Variants in ARAP2 observed in about 807,000 individuals in gnomAD.
ARAP2 encodes the protein ArfGAP with RhoGAP domain, ankyrin repeat and PH domain 2.
In ARAP2, 148 loss-of-function variants were observed where a neutral mutation model predicts 194.5. The observed-to-expected ratio is 0.76, with a 90% confidence interval of 0.67 to 0.87. The LOEUF is 0.87. Ranked by LOEUF, ARAP2 falls within the 40% of genes least tolerant of loss-of-function variation. The pLI is 0.00. For synonymous variants in ARAP2, 695 were observed against 683.5 expected (o/e 1.02, Z -0.26); for missense variants, 2,128 against 1,989.7 (o/e 1.07, Z -1.32).
At chr4:36,023,469 T>C in intron 5 of ARAP2, among the ~76,000 whole-genome samples, 1 of 152,158 alleles carries the variant, frequency 6.6e-6, no homozygotes, top group East Asian at 1.9e-4. Context: ...CCCTTTCATA[T>C]GTTGGGAACA....
chr4:36,210,360 C>A, intron 6 of ARAP2, 30 bp downstream of exon 6: 1 of 1,532,826 alleles, frequency 6.5e-7, no homozygotes, highest in South Asian at 1.3e-5. Context: ...AAAAATATGC[C>A]ACTTATGAAA....
At chr4:36,034,451 T>C (rs1482702244) in intron 5 of ARAP2, among the ~76,000 whole-genome samples, 1 of 152,164 alleles carries the variant, frequency 6.6e-6, no homozygotes, top group African/African-American at 2.4e-5. Flanking sequence ...GCTTGGCTGT[T>C]GTTGGTGTAT....
At position 36,147,762 on chromosome 4, in the gene ARAP2, C is replaced by A. The variant is rs761575215; in HGVS notation, c.3001-16G>T. On this transcript the variant is annotated splice_polypyrimidine_tract_variant and intron_variant, in intron 17 of 32. Transcript: ENST00000303965. ...GAACAAAATGCTGTTAAAACAAATA[C>A]AAAAAAGTAATAAAGACAGTGAAAA... 6.3e-6 allele frequency: 10 copies of A among 1,575,728 alleles called. No individual in the cohort carries two copies. Among genetic ancestry groups the A allele is most frequent in the Admixed American group, 3.7e-5 (2 of 53,360 alleles).
At chr4:36,113,534 T>C (rs1181361553) in intron 26 of ARAP2, among the ~76,000 whole-genome samples, 4 of 151,966 alleles carry the variant, frequency 2.6e-5, no homozygotes, top group Non-Finnish European at 5.9e-5. Context: ...TACTCCAAAG[T>C]GTCCCAAGAC....
At chr4:36,041,010 C>T (rs940734464) in intron 5 of ARAP2, among the ~76,000 whole-genome samples, 2 of 151,852 alleles carry the variant, frequency 1.3e-5, no homozygotes, top group African/African-American at 4.8e-5. Context: ...TCCTTCAATA[C>T]CTAGTTTATT....
intron 5 of ARAP2, among the ~76,000 whole-genome samples, chr4:36,020,314 G>C (rs1716688543): frequency 6.6e-6 from 1 of 152,214 alleles, no homozygotes; most frequent in African/African-American, 2.4e-5. Flanking sequence ...AGGAGGCTGA[G>C]GCAGGAGAAT....
chr4:36,151,479 T>C (rs1364810744), intron 15 of ARAP2, among the ~76,000 whole-genome samples: 5 of 152,166 alleles, frequency 3.3e-5, no homozygotes, highest in Admixed American at 6.5e-5. Context: ...GATTTCAAAT[T>C]CATCTTATAC....
At chr4:36,188,775 C>A (rs1741165467) in intron 7 of ARAP2, among the ~76,000 whole-genome samples, 1 of 152,158 alleles carries the variant, frequency 6.6e-6, no homozygotes, top group Admixed American at 6.5e-5. Context: ...AACAGCAAAC[C>A]ATTCCATGCA....
chr4:36,213,305 T>A lies in ARAP2; in HGVS notation c.979A>T (p.Asn327Tyr). ...SVAWQNSNEE[N>Y]SSSIFPYGET... is the part of the protein sequence containing the mutation. Reference sequence around the variant, plus strand: ...CCATAAGGAAAGATGGAAGATGAATTCTCCTCATTTGAATCTTTTAGGGGA... The same window carrying A: ...CCATAAGGAAAGATGGAAGATGAATACTCCTCATTTGAATCTTTTAGGGGA... The change falls in exon 4 of 33, where the codon AAT becomes TAT. Residue 327 changes from asparagine (N) to tyrosine (Y), a missense_variant. Asn to Tyr is a moderately radical substitution (Grantham distance 143, BLOSUM62 -2). Coordinates refer to ENST00000303965, the MANE Select transcript of ARAP2 (RefSeq NM_015230.4). 6.2e-7 allele frequency: 1 copy of A among 1,606,172 alleles called. No homozygotes were observed. Among genetic ancestry groups the A allele is most frequent in the Non-Finnish European group, 8.5e-7 (1 of 1,173,398 alleles).
At chr4:36,187,885 A>G (rs1295336899) in intron 7 of ARAP2, among the ~76,000 whole-genome samples, 3 of 152,240 alleles carry the variant, frequency 2.0e-5, no homozygotes, top group African/African-American at 7.2e-5. Flanking sequence ...ATGTTCTTTA[A>G]AACAATCTGC....
intron 24 of ARAP2, among the ~76,000 whole-genome samples, chr4:36,118,695 G>A (rs934968007): frequency 6.6e-5 from 10 of 151,088 alleles, no homozygotes; most frequent in Admixed American, 4.0e-4. Context: ...CTTCCTCCCC[G>A]CTCCCAAAAA....
At chr4:36,221,195 T>C (rs1749094493) in intron 2 of ARAP2, among the ~76,000 whole-genome samples, 1 of 152,038 alleles carries the variant, frequency 6.6e-6, no homozygotes, top group African/African-American at 2.4e-5. Context: ...ATAGCCTCGG[T>C]GTGTAATAGG....
rs767392027 is a variant in ARAP2 at position 36,128,788 on chromosome 4, C to CA, written c.3428-44dup. On this transcript the variant is annotated intron_variant, in intron 20 of 32. Coordinates refer to ENST00000303965, the MANE Select transcript of ARAP2 (RefSeq NM_015230.4). Reference sequence around the variant, plus strand: ...AAGTTATACTTTAAAAGTCTAAATTCAAAAGCCAGTTTGATATTTTAAAAA... The same window carrying CA: ...AAGTTATACTTTAAAAGTCTAAATTCAAAAAGCCAGTTTGATATTTTAAAAA... 8.9e-6 allele frequency: 13 copies of CA among 1,453,848 alleles called. No individual in the cohort carries two copies. In the Admixed American group the frequency reaches 1.0e-4, roughly 11 times the overall value. The allele number at this position is 1,453,848 out of a possible 1,614,324, so 90.1% of individuals were successfully genotyped here.
Position 36,210,435 on chromosome 4 carries a change from G to A in ARAP2, c.1442C>T (p.Ala481Val). The A allele has an allele frequency of 1.2e-6, 2 of 1,613,608 alleles. No individual in the cohort carries two copies. The highest frequency in any genetic ancestry group is 1.7e-4 in the Middle Eastern group (1 of 6,060). ...SPYACFYGAS[A>V]KKVKSGWLDK... ...CAGCCATCCTGATTTAACCTTCTTTGCAGATGCTCCATAAAAGCAGGCATA... is the reference window on the plus strand; with the variant it reads ...CAGCCATCCTGATTTAACCTTCTTTACAGATGCTCCATAAAAGCAGGCATA... The change falls in exon 6 of 33, where the codon GCA becomes GTA. Residue 481 changes from alanine to valine, a missense_variant. Physicochemically the swap from Ala to Val is moderately conservative, Grantham distance 64. Transcript: ENST00000303965.
intron 1 of ARAP2, among the ~76,000 whole-genome samples, chr4:36,237,151 A>G (rs1056716088): frequency 3.9e-5 from 6 of 152,262 alleles, no homozygotes; most frequent in Non-Finnish European, 8.8e-5. Flanking sequence ...TTATTGTTGC[A>G]TGTATCATTG....
At chr4:36,155,396 T>C (rs1469228126) in intron 15 of ARAP2, among the ~76,000 whole-genome samples, 2 of 152,270 alleles carry the variant, frequency 1.3e-5, no homozygotes, top group South Asian at 2.1e-4. Flanking sequence ...CCTCACTAAC[T>C]AGGGGGCACT....
rs780383659 is a variant in ARAP2, at chr4:36,229,528, C to T, written c.-42G>A. 1.8e-5 allele frequency: 27 copies of T among 1,461,812 alleles called. No homozygotes were observed. The highest frequency in any genetic ancestry group is 1.5e-4 in the South Asian group (12 of 77,806). The allele number at this position is 1,461,812 out of a possible 1,614,324, so 90.6% of individuals were successfully genotyped here. ...CTAAGCTGAGTTACAAAAAGTGGCA[C>T]GATGAGACACACACACAAGAAGATG... On this transcript the variant is annotated 5_prime_UTR_variant, in exon 2 of 33. The change creates a new upstream start codon in the 5' untranslated region. Coordinates refer to ENST00000303965, the MANE Select transcript of ARAP2 (RefSeq NM_015230.4).
At chr4:36,184,423 T>A (rs536291603) in intron 8 of ARAP2, among the ~76,000 whole-genome samples, 2 of 152,270 alleles carry the variant, frequency 1.3e-5, no homozygotes, top group South Asian at 4.1e-4. Flanking sequence ...AAGCAATATG[T>A]CTATGGTTTC....
In ARAP2 at chr4:36,169,331, G is replaced by A. The variant is rs116455336; in HGVS notation, c.1858-2284C>T. Reference sequence around the variant, plus strand: ...TTACTAAGGGCACACATAATACTCTGACCATCATACTAGCAGATGGTAAGA... The same window carrying A: ...TTACTAAGGGCACACATAATACTCTAACCATCATACTAGCAGATGGTAAGA... On this transcript the variant is annotated intron_variant, in intron 9 of 32. Transcript: ENST00000303965. Among the ~76,000 whole-genome samples, 209 of 152,174 alleles carry A rather than the reference G, an allele frequency of 1.4e-3. 1 individual carries two copies. Among genetic ancestry groups the A allele is most frequent in the African/African-American group, 4.9e-3 (204 of 41,494 alleles).
Sources: gnomAD v4.1 joint callset for allele counts (sites outside exome capture counted in the v4.1 genomes callset) on GRCh38, gnomAD v4.1.1 for gene constraint, MANE v1.5 for transcripts, NCBI Gene and HGNC (gene_info 2026-07-23, HGNC 2026-07-21) for gene names.